Variants in OSBPL8 observed in about 807,000 individuals in gnomAD.
The protein encoded by OSBPL8 is oxysterol-binding protein-related protein 8.
A neutral mutation model predicts 125.5 loss-of-function variants in OSBPL8; 59 were observed. The observed-to-expected ratio is 0.47, with a 90% CI of 0.38 to 0.58. The LOEUF is 0.58. OSBPL8 is among the 20% of genes least tolerant of loss of function. The pLI is 0.00. For synonymous variants in OSBPL8, 330 were observed against 338.9 expected (o/e 0.97, Z 0.29); for missense variants, 758 against 1,047.8 (o/e 0.72, Z 3.82).
At chr12:76,434,072 G>C (rs182380452) in intron 4 of OSBPL8, among the ~76,000 whole-genome samples, 1 of 151,386 alleles carries the variant, frequency 6.6e-6, no homozygotes, top group African/African-American at 2.4e-5. Context: ...AAAGAACAAA[G>C]CTGGAGGTAT....
At chr12:76,501,955 A>T (rs1436792402) in intron 1 of OSBPL8, among the ~76,000 whole-genome samples, 1 of 152,254 alleles carries the variant, frequency 6.6e-6, no homozygotes, top group Non-Finnish European at 1.5e-5. Flanking sequence ...TAATACATAC[A>T]GCATTGCTTT....
At position 76,392,572 on chromosome 12, in the gene OSBPL8, T is replaced by A; in HGVS notation, c.929+9A>T. ...AAACATTACCAACTCAGCGGCAGTA[T>A]CTACTTACTGGAAGTTATCACCACT... On this transcript the variant is annotated intron_variant, in intron 10 of 23. Coordinates refer to ENST00000261183, the MANE Select transcript of OSBPL8 (RefSeq NM_020841.5). 1.9e-6 allele frequency: 3 copies of A among 1,600,202 alleles called. No homozygotes were observed. The highest frequency in any genetic ancestry group is 1.1e-5 in the South Asian group (1 of 89,914).
intron 21 of OSBPL8, among the ~76,000 whole-genome samples, chr12:76,368,429 A>T (rs1023517290): frequency 1.1e-4 from 16 of 151,262 alleles, no homozygotes; most frequent in Non-Finnish European, 1.9e-4. Flanking sequence ...TTGTAGATTT[A>T]TATCTTCCAC....
intron 1 of OSBPL8, among the ~76,000 whole-genome samples, chr12:76,526,896 C>T (rs919420080): frequency 2.0e-5 from 3 of 151,704 alleles, no homozygotes; most frequent in East Asian, 1.9e-4. Context: ...GGTGATCCAC[C>T]GTCTCAGCCT....
intron 2 of OSBPL8, among the ~76,000 whole-genome samples, chr12:76,482,132 G>C (rs1483226929): frequency 6.6e-6 from 1 of 152,142 alleles, no homozygotes; most frequent in Non-Finnish European, 1.5e-5. Flanking sequence ...ACCTGAATTA[G>C]AATCTTAAAG....
chr12:76,406,705 T>A (rs1377466707), intron 5 of OSBPL8, among the ~76,000 whole-genome samples: 2 of 152,124 alleles, frequency 1.3e-5, no homozygotes, highest in Non-Finnish European at 2.9e-5. Flanking sequence ...AGCCTCCAAC[T>A]CCTGGGCTCA....
At chr12:76,436,621 A>C (rs550187038) in intron 4 of OSBPL8, among the ~76,000 whole-genome samples, 4 of 152,172 alleles carry the variant, frequency 2.6e-5, no homozygotes, top group African/African-American at 9.7e-5. Context: ...ATAAAGGACA[A>C]TGTTTTGAAT....
chr12:76,422,522 G>A, intron 4 of OSBPL8: 1 of 456,338 alleles, frequency 2.2e-6, no homozygotes, highest in South Asian at 1.5e-5. Context: ...TGGCAATGAA[G>A]GAGAAAGTTC....
intron 15 of OSBPL8, among the ~76,000 whole-genome samples, chr12:76,382,505 G>A (rs1307967357): frequency 6.6e-6 from 1 of 152,140 alleles, no homozygotes; most frequent in Non-Finnish European, 1.5e-5. Context: ...TCTCCCAACT[G>A]TGAGAACCCA....
At position 76,361,794 on chromosome 12, in the gene OSBPL8, G is replaced by C. The variant is rs117636851; in HGVS notation, c.2329-2983C>G. Reference sequence around the variant, plus strand: ...ATTCACTACCATGAGAACAGCATGGGGGAAACCACCCCCTTGATTCAAATT... The same window carrying C: ...ATTCACTACCATGAGAACAGCATGGCGGAAACCACCCCCTTGATTCAAATT... On this transcript the variant is annotated intron_variant, in intron 21 of 23. Transcript: ENST00000261183. 2.0e-3 allele frequency among the ~76,000 whole-genome samples: 310 copies of C among 152,208 alleles called. 10 individuals carry two copies. In the East Asian group the frequency reaches 0.053, roughly 26 times the overall value.
intron 4 of OSBPL8, among the ~76,000 whole-genome samples, chr12:76,443,264 TTAAAAA>T (rs1205375540): frequency 2.0e-5 from 3 of 152,198 alleles, no homozygotes; most frequent in African/African-American, 7.2e-5. Context: ...AGATGGTTTT[TTAAAAA>T]TAAAAACATA....
intron 12 of OSBPL8, among the ~76,000 whole-genome samples, chr12:76,387,386 CTT>C (rs1215899799): frequency 6.6e-6 from 1 of 152,138 alleles, no homozygotes; most frequent in Non-Finnish European, 1.5e-5. Flanking sequence ...TCAACCTGCT[CTT>C]GTGTGCTATC....
At chr12:76,361,301 G>A (rs1952196186) in intron 21 of OSBPL8, among the ~76,000 whole-genome samples, 1 of 152,176 alleles carries the variant, frequency 6.6e-6, no homozygotes, top group South Asian at 2.1e-4. Context: ...CATAACAAGA[G>A]TCACCTTTGC....
At chr12:76,422,662 G>A in intron 4 of OSBPL8, 2 of 456,164 alleles carry the variant, frequency 4.4e-6, no homozygotes, top group Non-Finnish European at 4.4e-6. Context: ...TAGCTCAGAA[G>A]GTCTATTTAA....
intron 4 of OSBPL8, among the ~76,000 whole-genome samples, chr12:76,428,734 T>A (rs996450474): frequency 1.3e-5 from 2 of 152,112 alleles, no homozygotes; most frequent in African/African-American, 2.4e-5. Flanking sequence ...ATCTGAAGAC[T>A]GTAGTATACA....
chr12:76,440,320 C>T (rs555509823), intron 4 of OSBPL8, among the ~76,000 whole-genome samples: 11 of 151,850 alleles, frequency 7.2e-5, no homozygotes, highest in Non-Finnish European at 1.3e-4. Context: ...TTTTCACATC[C>T]CCGCCAGCAT....
chr12:76,446,796 T>C (rs960398593), intron 4 of OSBPL8, among the ~76,000 whole-genome samples: 7 of 152,138 alleles, frequency 4.6e-5, no homozygotes, highest in African/African-American at 1.4e-4. Context: ...ATGTGCTAAA[T>C]ACTATTATCT....
intron 1 of OSBPL8, among the ~76,000 whole-genome samples, chr12:76,550,319 G>T (rs1411864553): frequency 1.3e-5 from 2 of 150,714 alleles, no homozygotes; most frequent in Non-Finnish European, 2.9e-5. Flanking sequence ...TCTTCTGGCA[G>T]CCCAGGGACA....
intron 23 of OSBPL8, 54 bp from the exon 24 acceptor site, chr12:76,356,075 T>C (rs1951972618): frequency 2.8e-6 from 4 of 1,420,180 alleles, no homozygotes; most frequent in Non-Finnish European, 3.8e-6. Context: ...AATGTTGGCA[T>C]AGAGCCCACA....
Sources: gnomAD v4.1 joint callset for allele counts (sites outside exome capture counted in the v4.1 genomes callset) on GRCh38, gnomAD v4.1.1 for gene constraint, MANE v1.5 for transcripts, NCBI Gene and HGNC (gene_info 2026-07-23, HGNC 2026-07-21) for gene names.